The following GPC5 variants were observed in gnomAD, a reference collection of about 807,000 sequenced individuals.
GPC5 encodes glypican-5.
Under a neutral mutation model 53.9 loss-of-function variants are expected in GPC5, and 47 were observed. The observed-to-expected ratio is 0.87, with a 90% CI of 0.69 to 1.11. The LOEUF is 1.11. Ranked by LOEUF, GPC5 falls within the 50% of genes most tolerant of loss-of-function variation. The probability of loss-of-function intolerance (pLI) is 0.00; values close to 1 mark genes in which losing one functional copy is unlikely to be tolerated. For synonymous variants in GPC5, 286 were observed against 263.3 expected (o/e 1.09, Z -0.84); for missense variants, 748 against 713.1 (o/e 1.05, Z -0.56).
At chr13:92,354,476 T>G (rs1181409947) in intron 7 of GPC5, among the ~76,000 whole-genome samples, 2 of 152,216 alleles carry the variant, frequency 1.3e-5, no homozygotes, top group Admixed American at 6.5e-5. Flanking sequence ...TTTTGCACAA[T>G]TTTAGACTAA....
At chr13:91,526,386 T>C (rs771529249) in intron 2 of GPC5, among the ~76,000 whole-genome samples, 2 of 152,180 alleles carry the variant, frequency 1.3e-5, no homozygotes, top group South Asian at 2.1e-4. Flanking sequence ...GAGGCAATCA[T>C]AGCCTTGTGT....
chr13:92,570,859 A>G (rs1036581973), intron 7 of GPC5, among the ~76,000 whole-genome samples: 3 of 152,158 alleles, frequency 2.0e-5, no homozygotes, highest in African/African-American at 7.2e-5. Flanking sequence ...ACAGCCACAT[A>G]AAATGCTGAG....
chr13:92,436,800 T>C (rs529367555), intron 7 of GPC5, among the ~76,000 whole-genome samples: 1 of 152,304 alleles, frequency 6.6e-6, no homozygotes, highest in East Asian at 1.9e-4. Context: ...TAGGTGATGA[T>C]CATTGTGACT....
chr13:92,833,184 T>C (rs1215373978), intron 7 of GPC5, among the ~76,000 whole-genome samples: 1 of 152,208 alleles, frequency 6.6e-6, no homozygotes, highest in Non-Finnish European at 1.5e-5. Context: ...CAATTTGAGC[T>C]TTTCAGAAGC....
In GPC5 at chr13:91,627,293, G is replaced by A. The variant is rs2034029368; in HGVS notation, c.326-65894G>A. The stretch of plus-strand genomic sequence containing the variant: ...GATCCACCCGCCTCGGCCTCCCAAA[G>A]TGCTGGGATTACAGGCGTGAGCCAC... On this transcript the variant is annotated intron_variant, in intron 2 of 7. Coordinates refer to ENST00000377067, the MANE Select transcript of GPC5 (RefSeq NM_004466.6). Among the ~76,000 whole-genome samples the A allele has an allele frequency of 4.2e-4, 2 of 4,724 alleles. 1 individual carries two copies. The highest frequency in any genetic ancestry group is 6.0e-4 in the Non-Finnish European group (2 of 3,324). 3.1% of individuals were successfully genotyped at this position (4,724 alleles called of 152,430 possible).
At chr13:92,782,719 C>T (rs1876076621) in intron 7 of GPC5, among the ~76,000 whole-genome samples, 1 of 152,132 alleles carries the variant, frequency 6.6e-6, no homozygotes, top group Admixed American at 6.5e-5. Flanking sequence ...TTTCTGGTTA[C>T]TGCACCCAAG....
intron 6 of GPC5, among the ~76,000 whole-genome samples, chr13:92,005,536 C>T (rs1323847802): frequency 6.6e-6 from 1 of 152,148 alleles, no homozygotes; most frequent in South Asian, 2.1e-4. Context: ...TCCTTATCCT[C>T]CTCTTATCCC....
chr13:92,632,872 T>G lies in GPC5; in HGVS notation c.1562-233410T>G, dbSNP rs555413453. ...GCAAAGAGAACTTCTGCAGAGAAAC[T>G]CCCATTTTTTTGTTTGTTTGTTTTG... On this transcript the variant is annotated intron_variant, in intron 7 of 7. Transcript: ENST00000377067. Among the ~76,000 whole-genome samples the G allele has an allele frequency of 3.6e-4, 55 of 152,024 alleles. No homozygotes were observed. In the East Asian group the frequency reaches 8.9e-3, roughly 25 times the overall value.
chr13:92,299,045 AG>A (rs1350595462), intron 7 of GPC5, among the ~76,000 whole-genome samples: 1 of 152,204 alleles, frequency 6.6e-6, no homozygotes, highest in Non-Finnish European at 1.5e-5. Flanking sequence ...CCATAGTTAG[AG>A]AAAATTTTAT....
intron 7 of GPC5, among the ~76,000 whole-genome samples, chr13:92,385,389 TACATATATAC>T (rs1336954496): frequency 1.4e-5 from 1 of 70,444 alleles, no homozygotes; most frequent in Admixed American, 1.9e-4. Context: ...TACATATATA[TACATATATAC>T]ACATATATAC....
intron 7 of GPC5, among the ~76,000 whole-genome samples, chr13:92,317,575 C>T (rs775194587): frequency 2.0e-5 from 3 of 152,142 alleles, no homozygotes; most frequent in Non-Finnish European, 2.9e-5. Flanking sequence ...CTTACGGCAA[C>T]CTCAGCCTCC....
At chr13:91,903,870 C>T (rs1762128101) in intron 5 of GPC5, among the ~76,000 whole-genome samples, 2 of 152,016 alleles carry the variant, frequency 1.3e-5, no homozygotes, top group African/African-American at 4.8e-5. Context: ...AAACAACATT[C>T]CTGCCTTTTT....
At chr13:91,890,503 G>A (rs1353356051) in intron 5 of GPC5, among the ~76,000 whole-genome samples, 1 of 152,088 alleles carries the variant, frequency 6.6e-6, no homozygotes, top group African/African-American at 2.4e-5. Flanking sequence ...GTTACTAGGG[G>A]TCAGTGTTAA....
At chr13:91,770,752 ATTTC>A (rs982891662) in intron 5 of GPC5, among the ~76,000 whole-genome samples, 3 of 119,946 alleles carry the variant, frequency 2.5e-5, no homozygotes, top group South Asian at 3.8e-4. Context: ...GCATATGCAT[ATTTC>A]TTATTTCACA....
intron 7 of GPC5, among the ~76,000 whole-genome samples, chr13:92,284,293 C>T (rs1225441509): frequency 1.3e-5 from 2 of 152,112 alleles, no homozygotes; most frequent in African/African-American, 4.8e-5. Context: ...GGATTCAGAG[C>T]CGAGTTCTAC....
At chr13:91,462,423 G>A (rs1362340694) in intron 2 of GPC5, among the ~76,000 whole-genome samples, 1 of 152,092 alleles carries the variant, frequency 6.6e-6, no homozygotes, top group African/African-American at 2.4e-5. Context: ...TAATGTGAGA[G>A]GTTTTGTGCA....
intron 7 of GPC5, among the ~76,000 whole-genome samples, chr13:92,465,402 T>C (rs577254518): frequency 1.3e-5 from 2 of 152,130 alleles, no homozygotes; most frequent in South Asian, 4.1e-4. Context: ...CTTTAAGATA[T>C]TTTAACATTA....
chr13:92,189,835 A>T (rs1204172300), intron 7 of GPC5, among the ~76,000 whole-genome samples: 2 of 152,208 alleles, frequency 1.3e-5, no homozygotes, highest in Admixed American at 1.3e-4. Flanking sequence ...GCTCATTAGT[A>T]TACAGGAAAG....
chr13:92,436,031 A>C (rs1235789454), intron 7 of GPC5, among the ~76,000 whole-genome samples: 1 of 152,146 alleles, frequency 6.6e-6, no homozygotes, highest in South Asian at 2.1e-4. Flanking sequence ...CTATTGAGTA[A>C]ATTAACATCT....
Sources: allele counts gnomAD v4.1 joint callset (sites outside exome capture counted in the v4.1 genomes callset), GRCh38; gene constraint gnomAD v4.1.1; transcripts MANE v1.5; gene names NCBI Gene and HGNC (gene_info 2026-07-23, HGNC 2026-07-21).